Variants in CDH20 observed in about 807,000 individuals in gnomAD.
CDH20 encodes cadherin-20.
CDH20 carries 29 observed loss-of-function variants against 74.2 expected under a neutral mutation model. That is an observed-to-expected ratio of 0.39 (90% CI 0.29 to 0.53). The LOEUF (loss-of-function observed/expected upper bound fraction) is 0.53. CDH20 is among the 20% of genes least tolerant of loss of function. The pLI, the probability that CDH20 is intolerant of heterozygous loss-of-function variation, is 0.69. For synonymous variants in CDH20, 469 were observed against 405.4 expected (o/e 1.16, Z -1.88); for missense variants, 988 against 1,048.3 (o/e 0.94, Z 0.79).
chr18:61,511,837 A>G (rs1422933489), intron 6 of CDH20, among the ~76,000 whole-genome samples: 1 of 152,206 alleles, frequency 6.6e-6, no homozygotes, highest in Non-Finnish European at 1.5e-5. Context: ...ATACATATCA[A>G]TTTTGCCAAG....
At chr18:61,368,202 C>T (rs1055058236) in intron 1 of CDH20, among the ~76,000 whole-genome samples, 1 of 152,074 alleles carries the variant, frequency 6.6e-6, no homozygotes, top group Non-Finnish European at 1.5e-5. Context: ...TTGACTCCAT[C>T]TGCTGCTTTA....
At chr18:61,361,983 T>C (rs577099165) in intron 1 of CDH20, among the ~76,000 whole-genome samples, 1 of 152,298 alleles carries the variant, frequency 6.6e-6, no homozygotes, top group African/African-American at 2.4e-5. Flanking sequence ...ATAGCAGCTC[T>C]GTTAGTTATT....
chr18:61,385,613 A>G (rs561581083), intron 1 of CDH20, among the ~76,000 whole-genome samples: 119 of 152,266 alleles, frequency 7.8e-4, no homozygotes, highest in African/African-American at 2.6e-3. Flanking sequence ...AGTTATGAAG[A>G]ACACAAAGAC....
At chr18:61,411,905 CT>C (rs1287106429) in intron 1 of CDH20, among the ~76,000 whole-genome samples, 1 of 152,032 alleles carries the variant, frequency 6.6e-6, no homozygotes, top group African/African-American at 2.4e-5. Flanking sequence ...TCAGTGTATA[CT>C]GCTCGGGTGA....
chr18:61,422,062 G>T (rs140412340), intron 1 of CDH20, among the ~76,000 whole-genome samples: 70 of 152,216 alleles, frequency 4.6e-4, no homozygotes, highest in African/African-American at 1.7e-3. Context: ...ACTGATTTGG[G>T]ATTAATATGG....
At chr18:61,528,988 A>G (rs984623197) in intron 7 of CDH20, among the ~76,000 whole-genome samples, 17 of 152,192 alleles carry the variant, frequency 1.1e-4, no homozygotes, top group African/African-American at 2.4e-5. Flanking sequence ...ATCTCTCCAA[A>G]GCATGTTTTG....
At chr18:61,473,807 G>A (rs9959118) in intron 1 of CDH20, among the ~76,000 whole-genome samples, 1,905 of 152,078 alleles carry the variant, frequency 0.013, 45 homozygotes, top group African/African-American at 0.044. Flanking sequence ...AGTGCTACCT[G>A]GGATCAATCA....
chr18:61,499,775 A>C (rs1911299071), intron 3 of CDH20, among the ~76,000 whole-genome samples: 1 of 152,166 alleles, frequency 6.6e-6, no homozygotes, highest in African/African-American at 2.4e-5. Context: ...TTTGTTTCAT[A>C]AGGGAGAAAT....
chr18:61,516,073 A>T (rs771312117), intron 6 of CDH20, among the ~76,000 whole-genome samples: 21 of 152,240 alleles, frequency 1.4e-4, no homozygotes, highest in Non-Finnish European at 1.6e-4. Flanking sequence ...CTGCTTAGAA[A>T]GATCCCTTTG....
chr18:61,538,939 C>A, intron 8 of CDH20, 85 bp from the exon 9 acceptor site: 1 of 1,507,486 alleles, frequency 6.6e-7, no homozygotes, highest in Admixed American at 1.9e-5. Flanking sequence ...GTCGTAAATA[C>A]CGACTTCTAG....
chr18:61,515,845 G>A (rs887184078), intron 6 of CDH20, among the ~76,000 whole-genome samples: 2 of 151,008 alleles, frequency 1.3e-5, no homozygotes, highest in African/African-American at 4.9e-5. Context: ...GAGTTAGTGG[G>A]TGCAGCGCAC....
At chr18:61,342,989 C>G (rs1437598457) in intron 1 of CDH20, among the ~76,000 whole-genome samples, 1 of 152,130 alleles carries the variant, frequency 6.6e-6, no homozygotes, top group Non-Finnish European at 1.5e-5. Context: ...TTTGTACCAA[C>G]AAAAGCTGGA....
intron 1 of CDH20, among the ~76,000 whole-genome samples, chr18:61,394,032 T>C (rs889522649): frequency 7.2e-5 from 11 of 152,174 alleles, no homozygotes; most frequent in Admixed American, 3.9e-4. Context: ...ACAGCATTAA[T>C]CAGATCTGAC....
chr18:61,535,570 A>C (rs1007943687), intron 7 of CDH20, among the ~76,000 whole-genome samples: 9 of 152,122 alleles, frequency 5.9e-5, no homozygotes, highest in African/African-American at 1.9e-4. Context: ...GGAAATATAG[A>C]TCCTACCCAG....
intron 10 of CDH20, among the ~76,000 whole-genome samples, chr18:61,548,680 T>C (rs1014590632): frequency 6.6e-6 from 1 of 152,254 alleles, no homozygotes; most frequent in Admixed American, 6.5e-5. Flanking sequence ...GCTGTGGGTC[T>C]GAGCTCAGCG....
At chr18:61,496,318 C>G (rs1007195372) in intron 2 of CDH20, among the ~76,000 whole-genome samples, 1 of 144,318 alleles carries the variant, frequency 6.9e-6, no homozygotes, top group African/African-American at 2.6e-5. Context: ...CTCTCCCCCT[C>G]TTCCCCTGCT....
At chr18:61,484,567 A>G (rs891612721) in intron 1 of CDH20, among the ~76,000 whole-genome samples, 5 of 152,226 alleles carry the variant, frequency 3.3e-5, no homozygotes, top group African/African-American at 1.2e-4. Flanking sequence ...AAGGATTTCT[A>G]AAGTGAAAAT....
chr18:61,413,232 T>G (rs184476249), intron 1 of CDH20, among the ~76,000 whole-genome samples: 1 of 152,192 alleles, frequency 6.6e-6, no homozygotes, highest in African/African-American at 2.4e-5. Context: ...GGAATTCATA[T>G]GGTGGGATTT....
At chr18:61,539,240 C>A in intron 9 of CDH20, 95 bp downstream of exon 9, 1 of 1,260,732 alleles carries the variant, frequency 7.9e-7, no homozygotes, top group South Asian at 1.3e-5. Flanking sequence ...CATTTTGACT[C>A]CAGAAACGAA....
Sources: gnomAD v4.1 joint callset for allele counts (sites outside exome capture counted in the v4.1 genomes callset) on GRCh38, gnomAD v4.1.1 for gene constraint, MANE v1.5 for transcripts, NCBI Gene and HGNC (gene_info 2026-07-23, HGNC 2026-07-21) for gene names.